The following DISC1 variants were observed in gnomAD, a reference collection of about 807,000 sequenced individuals.
The protein encoded by DISC1 is DISC1 scaffold protein, also known as disrupted in schizophrenia 1 protein.
A neutral mutation model predicts 84.5 loss-of-function variants in DISC1; 57 were observed. The ratio of observed to expected loss-of-function variants is 0.67; its 90% CI spans 0.55 to 0.84. The LOEUF is 0.84. Among genes scored for constraint, DISC1 ranks in the 40% least tolerant of loss-of-function variants. DISC1 has a pLI of 0.00. For synonymous variants in DISC1, 411 were observed against 415.2 expected, an observed-to-expected ratio of 0.99 and a Z score of 0.12; for missense variants, 1,000 against 1,057.8, an observed-to-expected ratio of 0.95 and a Z score of 0.76.
intron 3 of DISC1, among the ~76,000 whole-genome samples, chr1:231,734,067 T>TA (rs568347767): frequency 6.6e-6 from 1 of 151,964 alleles, no homozygotes; most frequent in South Asian, 2.1e-4. Flanking sequence ...CCATTGCACT[T>TA]AAAAAGAAGT....
intron 3 of DISC1, 29 bp from the exon 4 acceptor site, chr1:231,749,897 T>C: frequency 2.5e-6 from 4 of 1,614,098 alleles, no homozygotes; most frequent in Non-Finnish European, 3.4e-6. Context: ...GGTTCTTTTT[T>C]CCTCTCTCTC....
chr1:232,023,179 C>A (rs1328114525), intron 11 of DISC1, among the ~76,000 whole-genome samples: 1 of 152,088 alleles, frequency 6.6e-6, no homozygotes, highest in East Asian at 1.9e-4. Flanking sequence ...AATACTGCCC[C>A]ACAAATAATA....
At chr1:232,027,829 G>GTA (rs1491475875) in intron 12 of DISC1, among the ~76,000 whole-genome samples, 2 of 148,968 alleles carry the variant, frequency 1.3e-5, no homozygotes, top group Admixed American at 6.7e-5. Context: ...GTGTGTGTGT[G>GTA]TATAAGTAGC....
intron 9 of DISC1, among the ~76,000 whole-genome samples, chr1:231,835,956 T>A (rs1458116216): frequency 6.6e-6 from 1 of 152,248 alleles, no homozygotes; most frequent in Non-Finnish European, 1.5e-5. Flanking sequence ...TGTGTATTAA[T>A]ATGCATTGGA....
intron 1 of DISC1, among the ~76,000 whole-genome samples, chr1:231,683,122 T>C (rs2063852678): frequency 6.6e-6 from 1 of 152,230 alleles, no homozygotes; most frequent in Non-Finnish European, 1.5e-5. Flanking sequence ...CTTTTTCTAC[T>C]TGTAGTAGTT....
At chr1:231,810,026 G>T (rs1186117013) in intron 8 of DISC1, among the ~76,000 whole-genome samples, 1 of 152,176 alleles carries the variant, frequency 6.6e-6, no homozygotes, top group African/African-American at 2.4e-5. Context: ...AAATAAAATA[G>T]ATTGTATTTA....
At chr1:231,988,146 A>G (rs1405192819) in intron 10 of DISC1, among the ~76,000 whole-genome samples, 2 of 152,156 alleles carry the variant, frequency 1.3e-5, no homozygotes, top group Non-Finnish European at 2.9e-5. Context: ...AGATCGCGCC[A>G]CTGCACTCCA....
intron 10 of DISC1, among the ~76,000 whole-genome samples, chr1:232,008,449 C>T (rs1667733648): frequency 6.6e-6 from 1 of 152,114 alleles, no homozygotes; most frequent in African/African-American, 2.4e-5. Context: ...AAGAGTTGGA[C>T]AGGTCTGAGG....
rs565082678 is a variant in DISC1, at chr1:232,031,650, G to A, written c.2426-5042G>A. 3.6e-3 allele frequency among the ~76,000 whole-genome samples: 551 copies of A among 152,264 alleles called. 4 individuals are homozygous for A. Among genetic ancestry groups the A allele is most frequent in the African/African-American group, 0.013 (537 of 41,556 alleles). On this transcript the variant is annotated intron_variant, in intron 12 of 12. Coordinates refer to ENST00000439617, the MANE Select transcript of DISC1 (RefSeq NM_018662.3). This position sits in a 1 kb window ranked among gnomAD's most constrained non-coding sequence, Gnocchi z 4.6. ...CTCTCACTTGGCTTTGGAGTGGGAC[G>A]GGGAAGAGTTGGAGCCCCACAGTGG...
chr1:231,657,240 C>T (rs76168487), intron 1 of DISC1, among the ~76,000 whole-genome samples: 5 of 152,196 alleles, frequency 3.3e-5, no homozygotes, highest in African/African-American at 1.2e-4. Flanking sequence ...CTAATTTACA[C>T]TCCCACCAAC....
intron 6 of DISC1, among the ~76,000 whole-genome samples, chr1:231,782,309 T>C (rs946982429): frequency 6.6e-6 from 1 of 152,184 alleles, no homozygotes; most frequent in Non-Finnish European, 1.5e-5. Flanking sequence ...TCTTATCCAA[T>C]AAAGTATGTC....
intron 9 of DISC1, among the ~76,000 whole-genome samples, chr1:231,924,288 T>C (rs1321542840): frequency 6.6e-6 from 1 of 152,226 alleles, no homozygotes; most frequent in Admixed American, 6.5e-5. Context: ...CTGGGCCCTT[T>C]GTGGCCGAGC....
Position 232,008,947 on chromosome 1 carries a change from G to A in DISC1, c.2205G>A (p.Arg735=), listed in dbSNP as rs1419663769. ...LEGAAPPIPP[R]LHSEDKRKTP... is the part of the protein sequence containing the mutation. ...GAGCTGCTCCTCCTATTCCCCCCAG[G>A]CTCCACTCCGAGGATAAAAGGAAGA... The change falls in exon 11 of 13, where the codon AGG becomes AGA. Residue 735 remains arginine, a synonymous_variant. Transcript: ENST00000439617. 2 of 1,613,736 alleles carry A rather than the reference G, an allele frequency of 1.2e-6. No individual in the cohort carries two copies. Among genetic ancestry groups the A allele is most frequent in the South Asian group, 1.1e-5 (1 of 91,064 alleles).
chr1:231,994,803 A>G (rs1419193168), intron 10 of DISC1, among the ~76,000 whole-genome samples: 3 of 152,176 alleles, frequency 2.0e-5, no homozygotes, highest in African/African-American at 4.8e-5. Flanking sequence ...TATATTTCCT[A>G]TAACTATGAA....
rs973123031 is a variant in DISC1, at chr1:231,904,394, G to C, written c.1982-54434G>C. Among the ~76,000 whole-genome samples the C allele has an allele frequency of 3.3e-5, 5 of 152,178 alleles. No homozygotes were observed. The East Asian group carries it at 9.6e-4, about 29-fold the overall frequency. Reference sequence around the variant, plus strand: ...TATTAGGTCAGGTAGAGCAAAGTAAGCACTGCTGGAGAGGGGAGCTGCAAT... The same window carrying C: ...TATTAGGTCAGGTAGAGCAAAGTAACCACTGCTGGAGAGGGGAGCTGCAAT... On this transcript the variant is annotated intron_variant, in intron 9 of 12. Coordinates refer to ENST00000439617, the MANE Select transcript of DISC1 (RefSeq NM_018662.3).
Position 232,026,483 on chromosome 1 carries a change from G to A in DISC1, c.2356G>A (p.Gly786Ser). The change falls in exon 12 of 13, where the codon GGC becomes AGC. Residue 786 changes from glycine to serine, a missense_variant. Gly to Ser is a moderately conservative substitution (Grantham distance 56). Transcript: ENST00000439617. ...AELGEKCEDIGKKLLYLEDQL... is the reference protein window; with the variant it reads ...AELGEKCEDISKKLLYLEDQL... Reference sequence around the variant, plus strand: ...ACTTGGAGAAAAGTGTGAAGACATAGGCAAGAAGCTATTGTACTTGGAAGA... The same window carrying A: ...ACTTGGAGAAAAGTGTGAAGACATAAGCAAGAAGCTATTGTACTTGGAAGA... The A allele has an allele frequency of 6.2e-7, 1 of 1,608,820 alleles. No homozygotes were observed. Among genetic ancestry groups the A allele is most frequent in the East Asian group, 2.2e-5 (1 of 44,804 alleles).
At chr1:231,767,107 A>G (rs748996880) in intron 4 of DISC1, 33 bp from the exon 5 acceptor site, 1 of 1,609,922 alleles carries the variant, frequency 6.2e-7, no homozygotes, top group South Asian at 1.1e-5. Flanking sequence ...CAGCTTCTGC[A>G]TACCTGTACC....
chr1:231,649,194 A>G, intron 1 of DISC1, among the ~76,000 whole-genome samples: 1 of 152,202 alleles, frequency 6.6e-6, no homozygotes, highest in South Asian at 2.1e-4. Flanking sequence ...ATGGACATTT[A>G]GTGCTGTAAA....
intron 3 of DISC1, among the ~76,000 whole-genome samples, chr1:231,742,084 C>A (rs2073354480): frequency 6.6e-6 from 1 of 152,188 alleles, no homozygotes; most frequent in African/African-American, 2.4e-5. Flanking sequence ...CTACAATGGC[C>A]TATGTGGCTC....
Sources: allele counts gnomAD v4.1 joint callset (sites outside exome capture counted in the v4.1 genomes callset), GRCh38; gene constraint gnomAD v4.1.1; non-coding constraint Gnocchi (gnomAD v3.1); transcripts MANE v1.5; gene names NCBI Gene and HGNC (gene_info 2026-07-23, HGNC 2026-07-21).